The following RNF123 variants were observed in gnomAD, a reference collection of about 807,000 sequenced individuals.
RNF123 encodes ring finger protein 123.
A neutral mutation model predicts 168.5 loss-of-function variants in RNF123; 86 were observed. The observed-to-expected ratio is 0.51, with a 90% CI of 0.43 to 0.61. The LOEUF is 0.61. Among genes scored for constraint, RNF123 ranks in the 20% least tolerant of loss-of-function variants. The pLI is 0.00. For missense variants in RNF123, 1,419 were observed against 1,729.7 expected, an observed-to-expected ratio of 0.82 and a Z score of 3.19; for synonymous variants, 666 against 689.1, an observed-to-expected ratio of 0.97 and a Z score of 0.52.
chr3:49,693,348 T>G (rs1270138615), intron 3 of RNF123, among the ~76,000 whole-genome samples: 5 of 19,460 alleles, frequency 2.6e-4, no homozygotes, highest in Non-Finnish European at 5.8e-4. Flanking sequence ...GTGCCTGGCC[T>G]TTTTTTTTTT....
At chr3:49,694,907 A>C (rs760431934) in intron 3 of RNF123, among the ~76,000 whole-genome samples, 26 of 152,110 alleles carry the variant, frequency 1.7e-4, no homozygotes, top group Non-Finnish European at 2.9e-4. Context: ...TAGGGCTGTC[A>C]GTCAGTGGTT....
Position 49,699,969 on chromosome 3 carries a change from G to T in RNF123, c.984+197G>T. The T allele has an allele frequency of 1.5e-6, 1 of 682,552 alleles. No individual in the cohort carries two copies. Among genetic ancestry groups the T allele is most frequent in the Non-Finnish European group, 2.5e-6 (1 of 404,668 alleles). The allele number at this position is 682,552 out of a possible 1,614,324, so 42.3% of individuals were successfully genotyped here. A position where few individuals can be genotyped will look rare whatever the true frequency, so the allele number is the denominator to read the frequency against. On this transcript the variant is annotated intron_variant, in intron 12 of 38. Coordinates refer to ENST00000327697, the MANE Select transcript of RNF123 (RefSeq NM_022064.5). The surrounding 1 kb of genome is among the most constrained non-coding windows in gnomAD (Gnocchi z 4.8). ...GGACATTGCCAACCAAGGGCATCAG[G>T]GGATGTCCTGGAAAGAAGACTGAAG...
In RNF123 at chr3:49,704,687, A is replaced by G. The variant is rs149909642; in HGVS notation, c.1890A>G (p.Pro630=). ...LASKANIVID[P]LELQSTAMDD... ...CCAAAGCCAACATTGTGATCGACCC[A>G]CTGGAGCTCCAGTCAACCGCCATGG... The change falls in exon 22 of 39, where the codon CCA becomes CCG. Residue 630 remains proline (P), a synonymous_variant. Transcript: ENST00000327697. 9 of 1,608,720 alleles carry G rather than the reference A, an allele frequency of 5.6e-6. No homozygotes were observed. In the African/African-American group the frequency reaches 1.1e-4, roughly 19 times the overall value.
chr3:49,710,214 G>A (rs1180973679), intron 26 of RNF123, among the ~76,000 whole-genome samples: 2 of 152,136 alleles, frequency 1.3e-5, no homozygotes, highest in Non-Finnish European at 2.9e-5. Context: ...CTAATGATTA[G>A]TGACATTATG....
chr3:49,703,385 C>G (rs933753374), intron 20 of RNF123, 42 bp from the exon 21 acceptor site: 1 of 1,541,928 alleles, frequency 6.5e-7, no homozygotes, highest in Non-Finnish European at 8.9e-7. Flanking sequence ...GGTCTTCCTA[C>G]TGGGCCGTGA....
At chr3:49,712,845 C>T (rs1332760797) in intron 27 of RNF123, 189 bp downstream of exon 27, 1 of 721,582 alleles carries the variant, frequency 1.4e-6, no homozygotes, top group Non-Finnish European at 2.5e-6. Context: ...CCTGCAGCCA[C>T]AGAGCCAACA....
chr3:49,707,209 G>A (rs1326192594), intron 26 of RNF123, among the ~76,000 whole-genome samples: 1 of 148,986 alleles, frequency 6.7e-6, no homozygotes, highest in Admixed American at 6.8e-5. Context: ...CTCTCCCAGT[G>A]CATCAGGGGC....
At chr3:49,697,302 G>A in intron 4 of RNF123, 61 bp from the exon 5 acceptor site, 1 of 1,592,820 alleles carries the variant, frequency 6.3e-7, no homozygotes, top group Non-Finnish European at 8.6e-7. Context: ...GTGAGCTCAG[G>A]ACACCCTATG....
chr3:49,720,606 G>C lies in RNF123; in HGVS notation c.3596G>C (p.Gly1199Ala), dbSNP rs74959466. 8.9e-4 allele frequency: 1,431 copies of C among 1,609,018 alleles called. 10 individuals are homozygous for C. The African/African-American group carries it at 0.017, about 19-fold the overall frequency. Residue 1199 changes from glycine to alanine, a missense_variant, in exon 36 of 39, where the codon GGC (glycine) becomes GCC (alanine). Transcript: ENST00000327697. ...GGACAGCCAGAGCCCCCAGCACCTGGCACTGCTCTGCCAGCCCCTGACCGG... is the reference window on the plus strand; with the variant it reads ...GGACAGCCAGAGCCCCCAGCACCTGCCACTGCTCTGCCAGCCCCTGACCGG... ...LLGQPEPPAP[G>A]TALPAPDRKR...
At chr3:49,718,191 C>G in intron 35 of RNF123, 1 of 1,612,914 alleles carries the variant, frequency 6.2e-7, no homozygotes, top group African/African-American at 1.3e-5. Flanking sequence ...GCTCTTGGAG[C>G]GGGCTGGGTG....
At position 49,705,195 on chromosome 3, in the gene RNF123, T is replaced by C; in HGVS notation, c.2158+13T>C. Reference sequence around the variant, plus strand: ...ACCCGTGAGGACAGTAGGTGCTTGGTGGGGTCAGGCAGGTCCCCGAAGGAC... The same window carrying C: ...ACCCGTGAGGACAGTAGGTGCTTGGCGGGGTCAGGCAGGTCCCCGAAGGAC... On this transcript the variant is annotated intron_variant, in intron 23 of 38. Coordinates refer to ENST00000327697, the MANE Select transcript of RNF123 (RefSeq NM_022064.5). 1 of 1,590,816 alleles carries C rather than the reference T, an allele frequency of 6.3e-7. No homozygotes were observed. The highest frequency in any genetic ancestry group is 8.6e-7 in the Non-Finnish European group (1 of 1,168,228).
intron 26 of RNF123, among the ~76,000 whole-genome samples, chr3:49,709,241 C>A (rs1366584193): frequency 6.6e-6 from 1 of 151,998 alleles, no homozygotes; most frequent in Non-Finnish European, 1.5e-5. Flanking sequence ...AAGCAATTCT[C>A]CTGCCTCAGC....
At chr3:49,701,157 C>T (rs1238883355) in intron 15 of RNF123, among the ~76,000 whole-genome samples, 1 of 152,228 alleles carries the variant, frequency 6.6e-6, no homozygotes, top group Non-Finnish European at 1.5e-5. Flanking sequence ...GTCTTCCAGC[C>T]TCCAGGAGGC....
At chr3:49,700,956 A>C (rs1480160343) in intron 15 of RNF123, among the ~76,000 whole-genome samples, 1 of 152,258 alleles carries the variant, frequency 6.6e-6, no homozygotes, top group South Asian at 2.1e-4. Context: ...GGGAGGGGCC[A>C]CAGGGCCTGC....
intron 27 of RNF123, chr3:49,713,285 T>TCAGGGCTCCTGC (rs1275763723): frequency 1.7e-6 from 1 of 597,954 alleles, no homozygotes; most frequent in Non-Finnish European, 3.0e-6. Context: ...TGAGCCCAGG[T>TCAGGGCTCCTGC]CAGGGCTCCT....
chr3:49,719,262 C>CACG, intron 35 of RNF123: 2 of 1,613,366 alleles, frequency 1.2e-6, no homozygotes, highest in Non-Finnish European at 1.7e-6. Context: ...CGTTGTGGCT[C>CACG]AGGTCGAGGT....
chr3:49,707,140 ACT>A (rs1462812583), intron 26 of RNF123, among the ~76,000 whole-genome samples: 4 of 151,524 alleles, frequency 2.6e-5, no homozygotes, highest in Admixed American at 6.6e-5. Context: ...CGAGGAACAA[ACT>A]CTGTCTGTCT....
intron 26 of RNF123, among the ~76,000 whole-genome samples, chr3:49,709,195 G>A (rs960355490): frequency 6.6e-6 from 1 of 151,236 alleles, no homozygotes; most frequent in African/African-American, 2.4e-5. Flanking sequence ...GCAATGGCGC[G>A]ATCTCGGCTC....
intron 18 of RNF123, 68 bp downstream of exon 18, chr3:49,702,212 C>G (rs1198300920): frequency 1.9e-6 from 3 of 1,596,580 alleles, no homozygotes; most frequent in Non-Finnish European, 2.6e-6. Context: ...CCTTAAGACC[C>G]AGAGGGTGGG....
Sources: gnomAD v4.1 joint callset for allele counts (sites outside exome capture counted in the v4.1 genomes callset) on GRCh38, gnomAD v4.1.1 for gene constraint, Gnocchi (gnomAD v3.1) non-coding constraint, MANE v1.5 for transcripts, NCBI Gene and HGNC (gene_info 2026-07-23, HGNC 2026-07-21) for gene names.